MAP3K15: variants seen among roughly 807,000 people sequenced by gnomAD.
MAP3K15 encodes the protein mitogen-activated protein kinase kinase kinase 15.
MAP3K15 carries 124 observed loss-of-function variants against 99.5 expected under a neutral mutation model. That is an observed-to-expected ratio of 1.25 (90% CI 1.08 to 1.45). The LOEUF is 1.45. MAP3K15 is among the 40% of genes most tolerant of loss of function. MAP3K15 has a pLI of 0.00. For missense variants in MAP3K15, 1,242 were observed against 1,079.7 expected (o/e 1.15, Z -2.11); for synonymous variants, 494 against 439.6 (o/e 1.12, Z -1.55).
intron 25 of MAP3K15, among the ~76,000 whole-genome samples, chrX:19,363,849 C>T (rs1025843249): frequency 1.8e-5 from 2 of 110,822 alleles, no homozygotes; most frequent in Non-Finnish European, 3.8e-5. Context: ...GACAGGGTTA[C>T]ACCATATTGG....
intron 1 of MAP3K15, among the ~76,000 whole-genome samples, chrX:19,489,406 C>G (rs1201197112): frequency 9.0e-6 from 1 of 111,078 alleles, no homozygotes; most frequent in Non-Finnish European, 1.9e-5. Flanking sequence ...GAGAGCATTT[C>G]TGTCCGGATC....
chrX:19,370,201 C>A (rs1038104949), intron 24 of MAP3K15, among the ~76,000 whole-genome samples: 3 of 111,387 alleles, frequency 2.7e-5, no homozygotes, highest in African/African-American at 9.8e-5. Context: ...ACTTTGGTAA[C>A]ATTTCAAAAA....
intron 24 of MAP3K15, among the ~76,000 whole-genome samples, chrX:19,370,457 G>A (rs747520595): frequency 4.5e-5 from 5 of 110,283 alleles, no homozygotes; most frequent in African/African-American, 9.9e-5. Flanking sequence ...GTGCAGTGGC[G>A]TGATCTCGGC....
chrX:19,428,340 T>C (rs2063849547), intron 7 of MAP3K15, among the ~76,000 whole-genome samples: 1 of 111,969 alleles, frequency 8.9e-6, no homozygotes, highest in African/African-American at 3.2e-5. Context: ...AAGGCAGTGA[T>C]TTTCTGACCT....
Position 19,360,564 on chromosome X carries a change from A to G in MAP3K15, c.*185T>C. ...CTGTTTTCACAATACACACAGTTCT[A>G]TGTTTATAAATAACAGGTTTCAAAA... On this transcript the variant is annotated 3_prime_UTR_variant, in exon 29 of 29. Coordinates refer to ENST00000338883, the MANE Select transcript of MAP3K15 (RefSeq NM_001001671.4). 1 of 398,016 alleles carries G rather than the reference A, an allele frequency of 2.5e-6. No homozygotes were observed. 32.8% of individuals were successfully genotyped at this position (398,016 alleles called of 1,213,427 possible).
intron 1 of MAP3K15, among the ~76,000 whole-genome samples, chrX:19,500,028 C>T (rs1033764151): frequency 2.7e-5 from 3 of 112,448 alleles, no homozygotes; most frequent in African/African-American, 9.7e-5. Context: ...GGGTGGATCA[C>T]CTGAGGTCAG....
intron 16 of MAP3K15, among the ~76,000 whole-genome samples, chrX:19,393,336 G>A (rs1215506921): frequency 8.9e-6 from 1 of 111,777 alleles, no homozygotes; most frequent in East Asian, 2.8e-4. Context: ...ATCAACTAAC[G>A]TGAAGAGTAA....
At chrX:19,445,359 G>C (rs12013865) in intron 6 of MAP3K15, among the ~76,000 whole-genome samples, 1,601 of 109,998 alleles carry the variant, frequency 0.015, 33 homozygotes, top group African/African-American at 0.05. Context: ...GGGAGGCTGA[G>C]GTGGGTGGAT....
At chrX:19,471,773 G>C (rs1236820098) in intron 3 of MAP3K15, among the ~76,000 whole-genome samples, 1 of 110,925 alleles carries the variant, frequency 9.0e-6, no homozygotes, top group Non-Finnish European at 1.9e-5. Flanking sequence ...TAGAAACAAC[G>C]AAGGCCACGG....
In MAP3K15 at chrX:19,515,302, G is replaced by T; in HGVS notation, c.-41C>A. 1 of 832,806 alleles carries T rather than the reference G, an allele frequency of 1.2e-6. No homozygotes were observed. The highest frequency in any genetic ancestry group is 2.2e-5 in the African/African-American group (1 of 46,226). 68.6% of individuals were successfully genotyped at this position (832,806 alleles called of 1,213,427 possible). A position where few individuals can be genotyped will look rare whatever the true frequency, so the allele number is the denominator to read the frequency against. On this transcript the variant is annotated 5_prime_UTR_variant, in exon 1 of 29. Coordinates refer to ENST00000338883, the MANE Select transcript of MAP3K15 (RefSeq NM_001001671.4). ...CCCTTCCCCTGGGCGAGTGGCCAGC[G>T]GCTGCGATCCGCTAGGAGGCACAAG...
chrX:19,489,185 T>C (rs1219762798), intron 1 of MAP3K15, among the ~76,000 whole-genome samples: 1 of 112,102 alleles, frequency 8.9e-6, no homozygotes, highest in East Asian at 2.8e-4. Context: ...GTGCTGGGAA[T>C]GTAACCTCAC....
At chrX:19,445,954 C>CAATCAATA in intron 6 of MAP3K15, among the ~76,000 whole-genome samples, 1 of 103,601 alleles carries the variant, frequency 9.7e-6, no homozygotes, top group South Asian at 4.3e-4. Context: ...TCTCAAAAAT[C>CAATCAATA]AATAAATAAA....
In MAP3K15 at chrX:19,460,163, G is replaced by A. The variant is rs1436079317; in HGVS notation, c.720-10C>T. The A allele has an allele frequency of 2.6e-6, 3 of 1,154,320 alleles. No individual in the cohort carries two copies. In the Admixed American group the frequency reaches 7.4e-5, roughly 28 times the overall value. On this transcript the variant is annotated splice_polypyrimidine_tract_variant and intron_variant, in intron 4 of 28. Transcript: ENST00000338883. ...TTCTTTGTAATAAACACTATAGAAAGAAAAACACAAAATCCTCCAGTCACA... is the reference window on the plus strand; with the variant it reads ...TTCTTTGTAATAAACACTATAGAAAAAAAAACACAAAATCCTCCAGTCACA...
At chrX:19,418,223 T>G (rs1199177459) in intron 9 of MAP3K15, among the ~76,000 whole-genome samples, 2 of 110,571 alleles carry the variant, frequency 1.8e-5, no homozygotes, top group African/African-American at 6.6e-5. Context: ...AGAAGAAGAC[T>G]TCAGACAATC....
At chrX:19,490,813 T>C (rs777782331) in intron 1 of MAP3K15, among the ~76,000 whole-genome samples, 181 of 110,707 alleles carry the variant, frequency 1.6e-3, no homozygotes, top group Non-Finnish European at 2.8e-3. Context: ...AGAGACCTAT[T>C]CAAAACAGAG....
At chrX:19,383,304 C>G (rs1317486599) in intron 18 of MAP3K15, among the ~76,000 whole-genome samples, 2 of 111,955 alleles carry the variant, frequency 1.8e-5, no homozygotes, top group Non-Finnish European at 3.8e-5. Context: ...GTTTTTCTGC[C>G]TGGACCCTGA....
intron 19 of MAP3K15, among the ~76,000 whole-genome samples, chrX:19,379,786 C>G (rs1240507460): frequency 9.0e-6 from 1 of 111,263 alleles, no homozygotes; most frequent in Non-Finnish European, 1.9e-5. Flanking sequence ...ACCAATGGTC[C>G]CCCCAATCAC....
At chrX:19,467,711 G>A (rs1423358886) in intron 3 of MAP3K15, among the ~76,000 whole-genome samples, 1 of 12,639 alleles carries the variant, frequency 7.9e-5, no homozygotes, top group Non-Finnish European at 5.4e-4. Context: ...AGGTTGCAGT[G>A]AAACCTACGT....
chrX:19,415,095 A>C lies in MAP3K15; in HGVS notation c.1590+12T>G, dbSNP rs1158250363. ...CCTAATCTTAAAAAAAAATGGATTT[A>C]GCATATCTTACTGGAAATCTGAGTC... On this transcript the variant is annotated intron_variant, in intron 10 of 28. Transcript: ENST00000338883. 50 of 1,135,261 alleles carry C rather than the reference A, an allele frequency of 4.4e-5. No individual in the cohort carries two copies. The highest frequency in any genetic ancestry group is 5.3e-5 in the Non-Finnish European group (46 of 864,249). The allele number at this position is 1,135,261 out of a possible 1,213,427, so 93.6% of individuals were successfully genotyped here. A position where few individuals can be genotyped will look rare whatever the true frequency, so the allele number is the denominator to read the frequency against.
Sources: gnomAD v4.1 joint callset for allele counts (sites outside exome capture counted in the v4.1 genomes callset) on GRCh38, gnomAD v4.1.1 for gene constraint, MANE v1.5 for transcripts, NCBI Gene and HGNC (gene_info 2026-07-23, HGNC 2026-07-21) for gene names.